SLC45A3: variants seen among roughly 807,000 people sequenced by gnomAD.
The protein encoded by SLC45A3 is solute carrier family 45 member 3, also known as prostate cancer associated protein 2.
Under a neutral mutation model 35.3 loss-of-function variants are expected in SLC45A3, and 17 were observed. That is an observed-to-expected ratio of 0.48 (90% CI 0.33 to 0.72). The LOEUF (loss-of-function observed/expected upper bound fraction) is 0.72. Ranked by LOEUF, SLC45A3 falls within the 30% of genes least tolerant of loss-of-function variation. The probability of loss-of-function intolerance (pLI) is 0.02; values close to 1 mark genes in which losing one functional copy is unlikely to be tolerated. For missense variants in SLC45A3, 597 were observed against 731.7 expected (o/e 0.82, Z 2.12); for synonymous variants, 288 against 334.3 (o/e 0.86, Z 1.51).
In SLC45A3 at chr1:205,679,598, C is replaced by T. The variant is rs1671367223; in HGVS notation, c.-231+796G>A. Among the ~76,000 whole-genome samples, 7 of 152,138 alleles carry T rather than the reference C, an allele frequency of 4.6e-5. No individual in the cohort carries two copies. The South Asian group carries it at 1.5e-3, about 32-fold the overall frequency. On this transcript the variant is annotated intron_variant, in intron 1 of 4. Coordinates refer to ENST00000367145, the MANE Select transcript of SLC45A3 (RefSeq NM_033102.3). ...TGCCGTTTGCAGAACTCTGTCCTTC[C>T]CCACCTGAGACCTGGGAGGCGAGGA...
chr1:205,658,144 G>GTTT lies in SLC45A3; in HGVS notation c.*1089_*1090insAAA. 1 of 229,698 alleles carries GTTT rather than the reference G, an allele frequency of 4.4e-6. No homozygotes were observed. The highest frequency in any genetic ancestry group is 8.6e-6 in the Non-Finnish European group (1 of 116,048). 14.2% of individuals were successfully genotyped at this position (229,698 alleles called of 1,614,324 possible). A position where few individuals can be genotyped will look rare whatever the true frequency, so the allele number is the denominator to read the frequency against. On this transcript the variant is annotated 3_prime_UTR_variant, in exon 5 of 5. Transcript: ENST00000367145. ...TAGCTCCAAACAGGGTTGTGGAGCT[G>GTTT]GTGGGGAAAGTTGGGGGTAGGGGAA...
At position 205,662,042 on chromosome 1, in the gene SLC45A3, C is replaced by T. The variant is rs773554794; in HGVS notation, c.1043G>A (p.Arg348Gln). Residue 348 changes from arginine to glutamine, a missense_variant, in exon 4 of 5, where the codon CGA becomes CAA. Coordinates refer to ENST00000367145, the MANE Select transcript of SLC45A3 (RefSeq NM_033102.3). The surrounding 1 kb of genome is among the most constrained non-coding windows in gnomAD (Gnocchi z 6.2). Reference sequence around the variant, plus strand: ...CAAATAGACTGCTCGAGTGCCGAATCGCTGCACCAGCCGGTCCATGACCAG... The same window carrying T: ...CAAATAGACTGCTCGAGTGCCGAATTGCTGCACCAGCCGGTCCATGACCAG... ...FSLVMDRLVQ[R>Q]FGTRAVYLAS... The T allele has an allele frequency of 1.7e-5, 27 of 1,613,742 alleles. No homozygotes were observed. In the South Asian group the frequency reaches 2.2e-4, roughly 13 times the overall value.
intron 1 of SLC45A3, among the ~76,000 whole-genome samples, chr1:205,665,782 T>C (rs1671108836): frequency 1.3e-5 from 2 of 152,184 alleles, no homozygotes; most frequent in East Asian, 3.8e-4. Flanking sequence ...TAGCCCTGCC[T>C]CCTGTGCAGA....
chr1:205,674,865 G>A (rs1571543723), intron 1 of SLC45A3, among the ~76,000 whole-genome samples: 1 of 152,010 alleles, frequency 6.6e-6, no homozygotes, highest in East Asian at 2.0e-4. Flanking sequence ...ACAGGCGTGT[G>A]TCACCACGCC....
At chr1:205,672,013 C>T (rs1187999693) in intron 1 of SLC45A3, among the ~76,000 whole-genome samples, 1 of 152,164 alleles carries the variant, frequency 6.6e-6, no homozygotes, top group East Asian at 1.9e-4. Context: ...ATTAGTATAC[C>T]CATTTTACAG....
Position 205,658,366 on chromosome 1 carries a change from T to G in SLC45A3, c.*868A>C, listed in dbSNP as rs1342905861. On this transcript the variant is annotated 3_prime_UTR_variant, in exon 5 of 5. Transcript: ENST00000367145. ...GGTAACAGCATTTGGAATTATCATTTGGGATGAGTAGAATTTCCAAGGTCC... is the reference window on the plus strand; with the variant it reads ...GGTAACAGCATTTGGAATTATCATTGGGGATGAGTAGAATTTCCAAGGTCC... 1 of 232,430 alleles carries G rather than the reference T, an allele frequency of 4.3e-6. No homozygotes were observed. Among genetic ancestry groups the G allele is most frequent in the Non-Finnish European group, 8.5e-6 (1 of 117,618 alleles). The allele number at this position is 232,430 out of a possible 1,614,324, so 14.4% of individuals were successfully genotyped here.
Position 205,662,604 on chromosome 1 carries a change from G to C in SLC45A3, c.958+229C>G. The C allele has an allele frequency of 7.5e-7, 1 of 1,335,634 alleles. No homozygotes were observed. The highest frequency in any genetic ancestry group is 9.5e-7 in the Non-Finnish European group (1 of 1,048,212). The allele number at this position is 1,335,634 out of a possible 1,614,324, so 82.7% of individuals were successfully genotyped here. A position where few individuals can be genotyped will look rare whatever the true frequency, so the allele number is the denominator to read the frequency against. On this transcript the variant is annotated intron_variant, in intron 3 of 4. Coordinates refer to ENST00000367145, the MANE Select transcript of SLC45A3 (RefSeq NM_033102.3). The surrounding 1 kb of genome is among the most constrained non-coding windows in gnomAD (Gnocchi z 6.2). ...GCTCCGCCTTTCCTTCTGTCAAACT[G>C]GGGCAACGACTCTGATCAGACTCCT...
intron 1 of SLC45A3, among the ~76,000 whole-genome samples, chr1:205,678,647 CT>C (rs1162251181): frequency 6.6e-6 from 1 of 152,182 alleles, no homozygotes; most frequent in Non-Finnish European, 1.5e-5. Context: ...AAAACTCCCC[CT>C]AACACACACC....
chr1:205,676,467 C>A (rs938460207), intron 1 of SLC45A3, among the ~76,000 whole-genome samples: 1 of 152,308 alleles, frequency 6.6e-6, no homozygotes, highest in Admixed American at 6.5e-5. Flanking sequence ...GGGAAAGGAA[C>A]AAACATCTAT....
At chr1:205,660,042 G>A (rs1571529599) in intron 4 of SLC45A3, among the ~76,000 whole-genome samples, 2 of 152,230 alleles carry the variant, frequency 1.3e-5, no homozygotes, top group South Asian at 2.1e-4. Context: ...CAGAACAGAG[G>A]AACAAAAGCC....
Position 205,664,853 on chromosome 1 carries a change from C to A in SLC45A3, c.-197G>T. 2 of 1,421,196 alleles carry A rather than the reference C, an allele frequency of 1.4e-6. No homozygotes were observed. Among genetic ancestry groups the A allele is most frequent in the Non-Finnish European group, 1.8e-6 (2 of 1,091,498 alleles). The allele number at this position is 1,421,196 out of a possible 1,614,324, so 88.0% of individuals were successfully genotyped here. ...ATGCTCAACACCTGCTGCTGTGGGG[C>A]ACCTCAGTGGGGACACGTCTCATCA... On this transcript the variant is annotated 5_prime_UTR_variant, in exon 2 of 5. Transcript: ENST00000367145. This position sits in a 1 kb window ranked among gnomAD's most constrained non-coding sequence, Gnocchi z 5.3.
In SLC45A3 at chr1:205,680,240, G is replaced by A. The variant is rs1410176893; in HGVS notation, c.-231+154C>T. On this transcript the variant is annotated intron_variant, in intron 1 of 4. Transcript: ENST00000367145. ...GGACGCGCCCTCCTCTGGGATTCGC[G>A]CGGGGCTCGGCGCGCAGCGCCCCGG... Among the ~76,000 whole-genome samples, 46 of 151,932 alleles carry A rather than the reference G, an allele frequency of 3.0e-4. 1 individual carries two copies. Among genetic ancestry groups the A allele is most frequent in the Admixed American group, 3.0e-3 (46 of 15,266 alleles).
At chr1:205,673,036 A>G (rs1671245226) in intron 1 of SLC45A3, among the ~76,000 whole-genome samples, 1 of 152,030 alleles carries the variant, frequency 6.6e-6, no homozygotes, top group Non-Finnish European at 1.5e-5. Flanking sequence ...TGAGGTGGAG[A>G]AGGACACCCC....
chr1:205,667,818 A>G (rs550225174), intron 1 of SLC45A3, among the ~76,000 whole-genome samples: 2 of 152,246 alleles, frequency 1.3e-5, no homozygotes, highest in South Asian at 2.1e-4. Flanking sequence ...GATCCTTCTT[A>G]GCCCACATGG....
At position 205,658,255 on chromosome 1, in the gene SLC45A3, G is replaced by C. The variant is rs932032300; in HGVS notation, c.*979C>G. The C allele has an allele frequency of 4.3e-5, 10 of 232,836 alleles. No individual in the cohort carries two copies. The highest frequency in any genetic ancestry group is 1.2e-3 in the Middle Eastern group (1 of 808). 14.4% of individuals were successfully genotyped at this position (232,836 alleles called of 1,614,324 possible). On this transcript the variant is annotated 3_prime_UTR_variant, in exon 5 of 5. Transcript: ENST00000367145. Reference sequence around the variant, plus strand: ...AGGGGAGTGGAAGTGGGGGGAACCAGGCTGGGCCAAGAGAAGAGGGGTGGT... The same window carrying C: ...AGGGGAGTGGAAGTGGGGGGAACCACGCTGGGCCAAGAGAAGAGGGGTGGT...
chr1:205,665,111 C>G (rs534482389), intron 1 of SLC45A3, among the ~76,000 whole-genome samples: 21 of 152,192 alleles, frequency 1.4e-4, no homozygotes, highest in Non-Finnish European at 2.5e-4. Flanking sequence ...TCAGCACACT[C>G]CAGAGCCAAA....
In SLC45A3 at chr1:205,669,895, A is replaced by G. The variant is rs1195951345; in HGVS notation, c.-230-5009T>C. Reference sequence around the variant, plus strand: ...CACCAAGGCTGCCCTGCCCCAGGTCAGTGAGATGGCAGAGAAGGGGCAACC... The same window carrying G: ...CACCAAGGCTGCCCTGCCCCAGGTCGGTGAGATGGCAGAGAAGGGGCAACC... On this transcript the variant is annotated intron_variant, in intron 1 of 4. Transcript: ENST00000367145. This position sits in a 1 kb window ranked among gnomAD's most constrained non-coding sequence, Gnocchi z 4.1. Among the ~76,000 whole-genome samples the G allele has an allele frequency of 6.6e-6, 1 of 152,176 alleles. No individual in the cohort carries two copies. The highest frequency in any genetic ancestry group is 1.5e-5 in the Non-Finnish European group (1 of 68,026).
In SLC45A3 at chr1:205,662,838, T is replaced by C; in HGVS notation, c.953A>G (p.Asp318Gly). The C allele has an allele frequency of 6.3e-7, 1 of 1,589,040 alleles. No homozygotes were observed. Among genetic ancestry groups the C allele is most frequent in the Non-Finnish European group, 8.6e-7 (1 of 1,164,922 alleles). The change falls in exon 3 of 5, where the codon GAT becomes GGT. Residue 318 changes from aspartate to glycine, a missense_variant. Asp to Gly is a moderately conservative substitution (Grantham distance 94). Coordinates refer to ENST00000367145, the MANE Select transcript of SLC45A3 (RefSeq NM_033102.3). This position sits in a 1 kb window ranked among gnomAD's most constrained non-coding sequence, Gnocchi z 6.2. ...EPGTEARRHY[D>G]EGVRMGSLGL... ...GCTGGCTGCCAAGGCCTTACCTTCA[T>C]CATAGTGTCTCCGGGCCTCGGTGCC...
In SLC45A3 at chr1:205,663,039, C is replaced by G. The variant is rs564392525; in HGVS notation, c.752G>C (p.Arg251Pro). 3.1e-6 allele frequency: 5 copies of G among 1,609,330 alleles called. No homozygotes were observed. The South Asian group carries it at 5.5e-5, about 18-fold the overall frequency. Residue 251 changes from arginine to proline, a missense_variant, in exon 3 of 5, where the codon CGG becomes CCG. Coordinates refer to ENST00000367145, the MANE Select transcript of SLC45A3 (RefSeq NM_033102.3). ...CCPCRARLAF[R>P]NLGALLPRLH... ...CCGGGGAAGCAGGGCGCCCAGGTTC[C>G]GGAAAGCCAAGCGGGCCCGGCATGG... is the stretch of plus-strand genomic sequence containing the variant.
Sources: allele counts gnomAD v4.1 joint callset (sites outside exome capture counted in the v4.1 genomes callset), GRCh38; gene constraint gnomAD v4.1.1; non-coding constraint Gnocchi (gnomAD v3.1); transcripts MANE v1.5; gene names NCBI Gene and HGNC (gene_info 2026-07-23, HGNC 2026-07-21).